ARHGAP24: variants seen among roughly 807,000 people sequenced by gnomAD.
ARHGAP24 encodes rho GTPase-activating protein 24.
In ARHGAP24, 50 loss-of-function variants were observed where a neutral mutation model predicts 76.4. That is an observed-to-expected ratio of 0.65 (90% CI 0.52 to 0.83). The LOEUF (loss-of-function observed/expected upper bound fraction) is 0.83, where lower values mean the gene tolerates loss of function less well. Ranked by LOEUF, ARHGAP24 falls within the 40% of genes least tolerant of loss-of-function variation. ARHGAP24 has a pLI of 0.00. For missense variants in ARHGAP24, 930 were observed against 914.2 expected, an observed-to-expected ratio of 1.02 and a Z score of -0.22; for synonymous variants, 345 against 323.3, an observed-to-expected ratio of 1.07 and a Z score of -0.72.
At chr4:85,991,646 G>A (rs1740330156) in intron 8 of ARHGAP24, 1 of 152,228 alleles carries the variant, frequency 6.6e-6, no homozygotes, top group African/African-American at 2.4e-5. Flanking sequence ...GTAAAAAAAG[G>A]CAAAACTATA....
chr4:85,905,018 C>T (rs925291935), intron 3 of ARHGAP24, among the ~76,000 whole-genome samples: 3 of 152,138 alleles, frequency 2.0e-5, no homozygotes, highest in African/African-American at 7.2e-5. Flanking sequence ...GGACAGAAGA[C>T]TTTTCAAGAT....
chr4:85,594,954 C>G (rs1719748476), intron 2 of ARHGAP24, among the ~76,000 whole-genome samples: 1 of 147,004 alleles, frequency 6.8e-6, no homozygotes, highest in Non-Finnish European at 1.5e-5. Flanking sequence ...ACTCAACCAA[C>G]AAACATTGCA....
intron 2 of ARHGAP24, among the ~76,000 whole-genome samples, chr4:85,631,085 T>G (rs137884557): frequency 6.6e-6 from 1 of 152,124 alleles, no homozygotes; most frequent in Non-Finnish European, 1.5e-5. Flanking sequence ...AGTAAGTGTA[T>G]GGTTGAGTTT....
chr4:85,695,105 T>C (rs1003712154), intron 2 of ARHGAP24, among the ~76,000 whole-genome samples: 1 of 152,262 alleles, frequency 6.6e-6, no homozygotes, highest in Non-Finnish European at 1.5e-5. Flanking sequence ...ATACCCAGAC[T>C]TCATCTCAAC....
intron 3 of ARHGAP24, among the ~76,000 whole-genome samples, chr4:85,861,865 T>C (rs1039307195): frequency 2.0e-5 from 3 of 152,062 alleles, no homozygotes; most frequent in African/African-American, 7.2e-5. Context: ...TTTAACAATA[T>C]ACTTCTTACA....
chr4:85,762,363 C>T (rs11941635), intron 3 of ARHGAP24, among the ~76,000 whole-genome samples: 145,820 of 152,234 alleles, frequency 0.96, 70,179 homozygotes, highest in East Asian at 1. Context: ...TCTTTGAGAA[C>T]GAGAAGGAAA....
At chr4:85,867,878 A>G (rs1224469244) in intron 3 of ARHGAP24, among the ~76,000 whole-genome samples, 3 of 127,546 alleles carry the variant, frequency 2.4e-5, no homozygotes, top group African/African-American at 8.4e-5. Flanking sequence ...ATATATAAAC[A>G]TATATAATGT....
chr4:85,526,873 TGTA>T (rs1725025269), intron 1 of ARHGAP24, among the ~76,000 whole-genome samples: 1 of 152,196 alleles, frequency 6.6e-6, no homozygotes, highest in Non-Finnish European at 1.5e-5. Context: ...ATACGTATAA[TGTA>T]GTCCTATTGT....
Position 85,774,846 on chromosome 4 carries a change from G to A in ARHGAP24, c.268+52874G>A, listed in dbSNP as rs142195042. ...TATGGACTTAAGTTAGATGTTTGTT[G>A]ACAGAAGAATAGTAGCTCATGCAGA... On this transcript the variant is annotated intron_variant, in intron 3 of 9. Transcript: ENST00000395184. Among the ~76,000 whole-genome samples the A allele has an allele frequency of 6.8e-3, 1,033 of 152,238 alleles. 12 individuals carry two copies. Among genetic ancestry groups the A allele is most frequent in the South Asian group, 0.026 (125 of 4,828 alleles).
intron 3 of ARHGAP24, among the ~76,000 whole-genome samples, chr4:85,813,135 A>AT (rs1213951015): frequency 6.6e-6 from 1 of 152,192 alleles, no homozygotes; most frequent in Non-Finnish European, 1.5e-5. Flanking sequence ...GAGCATGACT[A>AT]TTGCTCATCA....
At chr4:85,875,467 T>C (rs1278624229) in intron 3 of ARHGAP24, among the ~76,000 whole-genome samples, 1 of 44,614 alleles carries the variant, frequency 2.2e-5, no homozygotes, top group African/African-American at 6.6e-5. Context: ...ATATTATATA[T>C]AATATATTTA....
rs905482688 is a variant in ARHGAP24, at chr4:85,930,840, G to A, written c.391+7070G>A. 1.6e-5 allele frequency: 25 copies of A among 1,592,174 alleles called. No individual in the cohort carries two copies. In the African/African-American group the frequency reaches 2.7e-4, roughly 17 times the overall value. ...GGGATCAGCACTTCAAAAATAACAA[G>A]TAAACAAGCATGAGGAGTGGCTGTT... On this transcript the variant is annotated intron_variant, in intron 4 of 9. Coordinates refer to ENST00000395184, the MANE Select transcript of ARHGAP24 (RefSeq NM_001025616.3).
intron 1 of ARHGAP24, among the ~76,000 whole-genome samples, chr4:85,563,772 G>T (rs1341648082): frequency 6.6e-6 from 1 of 152,208 alleles, no homozygotes; most frequent in Non-Finnish European, 1.5e-5. Flanking sequence ...GGAGAGATTT[G>T]GTAGGATTCA....
chr4:85,588,279 G>A (rs1727941830), intron 2 of ARHGAP24, among the ~76,000 whole-genome samples: 1 of 152,124 alleles, frequency 6.6e-6, no homozygotes, highest in South Asian at 2.1e-4. Flanking sequence ...TTGACGTTTT[G>A]TGCTTGCTAA....
Position 85,645,073 on chromosome 4 carries a change from G to A in ARHGAP24, c.180+74352G>A, listed in dbSNP as rs1721673750. On this transcript the variant is annotated intron_variant, in intron 2 of 9. Coordinates refer to ENST00000395184, the MANE Select transcript of ARHGAP24 (RefSeq NM_001025616.3). ...AATTACATTTCAACATTTTCTCTCG[G>A]ATAAATTCTGGTTATAATCAGTGGA... Among the ~76,000 whole-genome samples, 6 of 152,120 alleles carry A rather than the reference G, an allele frequency of 3.9e-5. No homozygotes were observed. In the South Asian group the frequency reaches 1.0e-3, roughly 26 times the overall value.
intron 2 of ARHGAP24, among the ~76,000 whole-genome samples, chr4:85,667,007 G>A (rs80165916): frequency 3.3e-5 from 5 of 152,210 alleles, no homozygotes. Context: ...CGTGCTGGGA[G>A]AACCACTGCT....
intron 1 of ARHGAP24, among the ~76,000 whole-genome samples, chr4:85,568,786 G>A (rs1182640057): frequency 3.3e-5 from 5 of 152,170 alleles, no homozygotes; most frequent in African/African-American, 7.2e-5. Context: ...AAAGAAGTGC[G>A]TATTGAATGA....
chr4:85,657,031 G>A (rs2869361), intron 2 of ARHGAP24, among the ~76,000 whole-genome samples: 30,207 of 152,126 alleles, frequency 0.2, 3,176 homozygotes, highest in African/African-American at 0.28. Flanking sequence ...TTATAAAAAT[G>A]TAACATTGCA....
At chr4:85,930,252 T>C in intron 4 of ARHGAP24, 2 of 985,542 alleles carry the variant, frequency 2.0e-6, no homozygotes, top group South Asian at 9.4e-5. Context: ...CACTCGACTG[T>C]TCTGACGTTG....
Sources: allele counts gnomAD v4.1 joint callset (sites outside exome capture counted in the v4.1 genomes callset), GRCh38; gene constraint gnomAD v4.1.1; transcripts MANE v1.5; gene names NCBI Gene and HGNC (gene_info 2026-07-23, HGNC 2026-07-21).